Variants in RYR2 observed in about 807,000 individuals in gnomAD.
RYR2 encodes the protein ryanodine receptor 2.
Under a neutral mutation model 601.1 loss-of-function variants are expected in RYR2, and 227 were observed. The ratio of observed to expected loss-of-function variants is 0.38; its 90% CI spans 0.34 to 0.42. The LOEUF (loss-of-function observed/expected upper bound fraction) is 0.42, where lower values mean the gene tolerates loss of function less well. RYR2 is among the 10% of genes least tolerant of loss of function. The pLI, the probability that RYR2 is intolerant of heterozygous loss-of-function variation, is 1.00. For missense variants in RYR2, 4,646 were observed against 6,156.5 expected (o/e 0.75, Z 8.21); for synonymous variants, 2,223 against 2,175.1 (o/e 1.02, Z -0.61).
intron 102 of RYR2, among the ~76,000 whole-genome samples, chr1:237,828,948 A>G (rs528550560): frequency 1.3e-5 from 2 of 152,282 alleles, no homozygotes; most frequent in East Asian, 1.9e-4. Flanking sequence ...CTCCCACACC[A>G]TGGACATCTC....
chr1:237,762,884 C>T (rs1693541148), intron 84 of RYR2, among the ~76,000 whole-genome samples: 2 of 152,200 alleles, frequency 1.3e-5, no homozygotes, highest in African/African-American at 4.8e-5. Context: ...TACTACCCTC[C>T]CTTCCTCAGT....
Position 237,177,115 on chromosome 1 carries a change from A to G in RYR2, c.49-93382A>G, listed in dbSNP as rs114913717. The stretch of plus-strand genomic sequence containing the variant: ...ACCTCATAAGACATGGAGCCTGGCT[A>G]TGGTCACTGTTAGGAGTATTTTGCT... On this transcript the variant is annotated intron_variant, in intron 1 of 104. Transcript: ENST00000366574. Among the ~76,000 whole-genome samples the G allele has an allele frequency of 6.0e-3, 912 of 152,274 alleles. 9 individuals are homozygous for G. The highest frequency in any genetic ancestry group is 0.033 in the South Asian group (158 of 4,824).
At chr1:237,659,939 A>C in intron 54 of RYR2, 46 bp from the exon 55 acceptor site, 1 of 1,320,068 alleles carries the variant, frequency 7.6e-7, no homozygotes, top group South Asian at 1.4e-5. Context: ...ACAATCTCTA[A>C]AATTAACACG....
At chr1:237,595,163 A>T (rs1259795669) in intron 33 of RYR2, among the ~76,000 whole-genome samples, 1 of 152,078 alleles carries the variant, frequency 6.6e-6, no homozygotes, top group African/African-American at 2.4e-5. Context: ...AATTTGGATG[A>T]TTTTTAAATA....
intron 1 of RYR2, among the ~76,000 whole-genome samples, chr1:237,147,398 G>C (rs1674126912): frequency 6.6e-6 from 1 of 151,946 alleles, no homozygotes; most frequent in African/African-American, 2.4e-5. Context: ...ATATTATGAG[G>C]GTATGGGGGT....
intron 10 of RYR2, among the ~76,000 whole-genome samples, chr1:237,388,699 T>C (rs2149851428): frequency 6.6e-6 from 1 of 152,312 alleles, no homozygotes; most frequent in South Asian, 2.1e-4. Flanking sequence ...GGGACAAGAT[T>C]ACAATAGTAT....
At chr1:237,107,735 C>T (rs1271882853) in intron 1 of RYR2, among the ~76,000 whole-genome samples, 1 of 152,038 alleles carries the variant, frequency 6.6e-6, no homozygotes, top group Admixed American at 6.5e-5. Flanking sequence ...AACGTCTGGA[C>T]ACTTGAGGTG....
chr1:237,583,462 T>A (rs1674157549), intron 29 of RYR2, among the ~76,000 whole-genome samples: 1 of 148,566 alleles, frequency 6.7e-6, no homozygotes, highest in Non-Finnish European at 1.5e-5. Flanking sequence ...AACATCTTAG[T>A]TGTTTCCTCA....
At chr1:237,608,864 A>T (rs1390072707) in intron 35 of RYR2, among the ~76,000 whole-genome samples, 1 of 144,060 alleles carries the variant, frequency 6.9e-6, no homozygotes, top group Non-Finnish European at 1.5e-5. Flanking sequence ...AGCCTGACTG[A>T]TATATTCAGT....
chr1:237,367,510 G>T (rs533576572), intron 5 of RYR2, among the ~76,000 whole-genome samples: 1 of 152,230 alleles, frequency 6.6e-6, no homozygotes, highest in South Asian at 2.1e-4. Flanking sequence ...AAACTATATG[G>T]AACAACAAGA....
chr1:237,502,490 TTGA>T (rs1664759555), intron 21 of RYR2, among the ~76,000 whole-genome samples: 1 of 151,924 alleles, frequency 6.6e-6, no homozygotes, highest in Non-Finnish European at 1.5e-5. Flanking sequence ...AGGGCTGGGG[TTGA>T]AGGTGGGGAT....
chr1:237,279,678 T>G (rs1267149972), intron 2 of RYR2, among the ~76,000 whole-genome samples: 4 of 152,230 alleles, frequency 2.6e-5, no homozygotes, highest in Non-Finnish European at 5.9e-5. Context: ...AGCACAGTTT[T>G]ATACAGATGA....
At chr1:237,493,140 T>A in intron 19 of RYR2, 53 bp downstream of exon 19, 2 of 1,600,462 alleles carry the variant, frequency 1.2e-6, no homozygotes, top group Non-Finnish European at 1.7e-6. Flanking sequence ...AAAGAATTAA[T>A]GTTCTTGCCC....
At position 237,648,559 on chromosome 1, in the gene RYR2, T is replaced by G. The variant is rs377763795; in HGVS notation, c.7458T>G (p.His2486Gln). ...TTGAGGTTCAAGACTTCCTCCTCCA[T>G]CTTCTTGAGGTTGGCTTTCTGCCAG... ...YGIEVQDFLL[H>Q]LLEVGFLPDL... The change falls in exon 49 of 105, where the codon CAT becomes CAG. Residue 2486 changes from histidine (H) to glutamine (Q), a missense_variant. This residue lies in a region of RYR2 where 1,497 missense variants were observed against 1,842.6 expected (regional missense o/e 0.81). Transcript: ENST00000366574. The G allele has an allele frequency of 4.8e-5, 78 of 1,611,412 alleles. No homozygotes were observed. The highest frequency in any genetic ancestry group is 6.3e-5 in the Non-Finnish European group (74 of 1,178,752).
chr1:237,551,298 G>A (rs2148118052), intron 27 of RYR2, among the ~76,000 whole-genome samples: 1 of 152,252 alleles, frequency 6.6e-6, no homozygotes, highest in African/African-American at 2.4e-5. Context: ...GGGAGGCTGA[G>A]GCAGGCGGAT....
chr1:237,821,117 C>T (rs974059722), intron 101 of RYR2, among the ~76,000 whole-genome samples: 7 of 152,196 alleles, frequency 4.6e-5, no homozygotes, highest in Middle Eastern at 3.2e-3. Flanking sequence ...ACTTAAACGT[C>T]CCTGCCTGAC....
chr1:237,266,095 C>T (rs1378584603), intron 1 of RYR2, among the ~76,000 whole-genome samples: 1 of 152,182 alleles, frequency 6.6e-6, no homozygotes, highest in Non-Finnish European at 1.5e-5. Flanking sequence ...TCATCATGTG[C>T]ATTTCAGCAC....
chr1:237,764,219 G>C (rs990332792), intron 84 of RYR2, among the ~76,000 whole-genome samples: 4 of 152,122 alleles, frequency 2.6e-5, no homozygotes, highest in Non-Finnish European at 5.9e-5. Flanking sequence ...TAAGGAAACA[G>C]AGGAACAGAA....
At chr1:237,496,182 T>A (rs1664051219) in intron 19 of RYR2, among the ~76,000 whole-genome samples, 1 of 152,140 alleles carries the variant, frequency 6.6e-6, no homozygotes, top group Non-Finnish European at 1.5e-5. Context: ...GGCAGGAGGA[T>A]CACTTGAGCT....
Sources: gnomAD v4.1 joint callset for allele counts (sites outside exome capture counted in the v4.1 genomes callset) on GRCh38, gnomAD v4.1.1 for gene constraint, gnomAD v4.1.1 regional missense constraint, MANE v1.5 for transcripts, NCBI Gene and HGNC (gene_info 2026-07-23, HGNC 2026-07-21) for gene names.